Variants in DNAH11 observed in about 807,000 individuals in gnomAD.
DNAH11 encodes the protein axonemal beta dynein heavy chain 11.
A neutral mutation model predicts 526.0 loss-of-function variants in DNAH11; 442 were observed. The observed-to-expected ratio is 0.84, with a 90% CI of 0.78 to 0.91. The LOEUF (loss-of-function observed/expected upper bound fraction) is 0.91. Among genes scored for constraint, DNAH11 ranks in the 40% least tolerant of loss-of-function variants. The pLI is 0.00. For synonymous variants in DNAH11, 2,461 were observed against 1,935.9 expected (o/e 1.27, Z -7.12); for missense variants, 6,989 against 5,448.7 (o/e 1.28, Z -8.90).
chr7:21,793,884 C>T (rs892165948), intron 61 of DNAH11, among the ~76,000 whole-genome samples: 18 of 152,206 alleles, frequency 1.2e-4, no homozygotes, highest in African/African-American at 4.3e-4. Flanking sequence ...TTTTAAACTC[C>T]CTCTTGAACT....
chr7:21,824,450 A>G (rs1408977207), intron 65 of DNAH11, among the ~76,000 whole-genome samples: 3 of 152,152 alleles, frequency 2.0e-5, no homozygotes, highest in Admixed American at 6.5e-5. Context: ...TACATAAAAT[A>G]TATTTTTAAT....
chr7:21,876,065 T>C (rs917640840), intron 74 of DNAH11, among the ~76,000 whole-genome samples: 5 of 151,958 alleles, frequency 3.3e-5, no homozygotes, highest in Non-Finnish European at 5.9e-5. Flanking sequence ...TTGAGTTTTT[T>C]AGTAGAGACG....
At chr7:21,747,464 G>A (rs1562523759) in intron 51 of DNAH11, among the ~76,000 whole-genome samples, 1 of 151,932 alleles carries the variant, frequency 6.6e-6, no homozygotes, top group Non-Finnish European at 1.5e-5. Flanking sequence ...TCAAATTTGG[G>A]GTGTTTTACT....
chr7:21,868,239 C>T (rs183323748), intron 72 of DNAH11, among the ~76,000 whole-genome samples: 99 of 151,844 alleles, frequency 6.5e-4, no homozygotes, highest in African/African-American at 2.3e-3. Context: ...GTACTGTTTT[C>T]CACCTTTTGA....
At chr7:21,582,688 G>A (rs1784355312) in intron 9 of DNAH11, among the ~76,000 whole-genome samples, 1 of 152,060 alleles carries the variant, frequency 6.6e-6, no homozygotes, top group African/African-American at 2.4e-5. Flanking sequence ...GCAACACCAT[G>A]TAAAACTTGC....
At chr7:21,762,538 A>G (rs1786968114) in intron 54 of DNAH11, among the ~76,000 whole-genome samples, 1 of 152,230 alleles carries the variant, frequency 6.6e-6, no homozygotes, top group Non-Finnish European at 1.5e-5. Context: ...GAGAAAGCTG[A>G]TAAGAAACCC....
chr7:21,719,505 T>A (rs2128483502), intron 43 of DNAH11, among the ~76,000 whole-genome samples: 1 of 152,310 alleles, frequency 6.6e-6, no homozygotes, highest in East Asian at 1.9e-4. Context: ...CCCTTCAGTC[T>A]TTTTTGTTTT....
chr7:21,709,634 A>G (rs186562172), intron 40 of DNAH11, among the ~76,000 whole-genome samples: 124 of 152,238 alleles, frequency 8.1e-4, no homozygotes, highest in African/African-American at 2.7e-3. Flanking sequence ...ATCATTCTCT[A>G]TCCTCTCGTC....
intron 28 of DNAH11, among the ~76,000 whole-genome samples, chr7:21,647,328 G>T (rs1787399415): frequency 6.6e-6 from 1 of 151,346 alleles, no homozygotes; most frequent in Non-Finnish European, 1.5e-5. Flanking sequence ...CATCCATAAA[G>T]CCATATTTTA....
intron 73 of DNAH11, among the ~76,000 whole-genome samples, chr7:21,872,050 G>A (rs1280841892): frequency 6.9e-6 from 1 of 144,018 alleles, no homozygotes; most frequent in Non-Finnish European, 1.5e-5. Flanking sequence ...TGTGAACCCA[G>A]GAGACGGAGT....
At chr7:21,754,572 C>A (rs188724459) in intron 54 of DNAH11, among the ~76,000 whole-genome samples, 90 of 151,772 alleles carry the variant, frequency 5.9e-4, no homozygotes, top group African/African-American at 1.8e-3. Flanking sequence ...TTTCCCCCCC[C>A]ACCCCATCAT....
intron 73 of DNAH11, among the ~76,000 whole-genome samples, chr7:21,869,389 T>A (rs1783412933): frequency 6.6e-6 from 1 of 151,952 alleles, no homozygotes; most frequent in African/African-American, 2.4e-5. Flanking sequence ...TGTTGCAGAA[T>A]TTTGCTCCTT....
intron 66 of DNAH11, among the ~76,000 whole-genome samples, chr7:21,850,416 T>C (rs2128022573): frequency 6.6e-6 from 1 of 151,918 alleles, no homozygotes; most frequent in East Asian, 1.9e-4. Flanking sequence ...ACGTTGTTTT[T>C]TATGTCTAGC....
intron 73 of DNAH11, among the ~76,000 whole-genome samples, 159 bp from the exon 74 acceptor site, chr7:21,873,115 T>C (rs935928750): frequency 3.3e-5 from 5 of 151,702 alleles, no homozygotes; most frequent in African/African-American, 9.7e-5. Flanking sequence ...GATGTATTGA[T>C]GTATTGATAA....
chr7:21,835,971 T>C (rs1413164950), intron 65 of DNAH11, among the ~76,000 whole-genome samples: 2 of 151,260 alleles, frequency 1.3e-5, no homozygotes, highest in African/African-American at 4.8e-5. Flanking sequence ...ACCAATATTA[T>C]CTGAAAATTC....
intron 70 of DNAH11, among the ~76,000 whole-genome samples, chr7:21,865,375 A>C (rs952737601): frequency 2.0e-5 from 3 of 152,260 alleles, no homozygotes; most frequent in African/African-American, 7.2e-5. Flanking sequence ...TCAAAATTCA[A>C]ATTCAAATGT....
intron 54 of DNAH11, among the ~76,000 whole-genome samples, chr7:21,761,365 G>T (rs1305135281): frequency 1.3e-5 from 2 of 152,136 alleles, no homozygotes; most frequent in African/African-American, 4.8e-5. Flanking sequence ...GTCTGGTTTA[G>T]CTGATAGAAT....
intron 32 of DNAH11, among the ~76,000 whole-genome samples, chr7:21,685,132 C>T (rs181301014): frequency 9.8e-4 from 150 of 152,324 alleles, no homozygotes; most frequent in African/African-American, 3.4e-3. Flanking sequence ...GTTCTTCTAA[C>T]TTGTCTCTGA....
intron 30 of DNAH11, among the ~76,000 whole-genome samples, chr7:21,672,353 A>G (rs758794010): frequency 6.6e-6 from 1 of 152,198 alleles, no homozygotes; most frequent in Admixed American, 6.5e-5. Flanking sequence ...TAACGTGATC[A>G]TAGCTCACTG....
Sources: allele counts gnomAD v4.1 joint callset (sites outside exome capture counted in the v4.1 genomes callset), GRCh38; gene constraint gnomAD v4.1.1; transcripts MANE v1.5; gene names NCBI Gene and HGNC (gene_info 2026-07-23, HGNC 2026-07-21).